HTR1F: variants seen among roughly 807,000 people sequenced by gnomAD.
HTR1F encodes 5-hydroxytryptamine receptor 1F, also known as 5-hydroxytryptamine (serotonin) receptor 1F, G protein-coupled.
In HTR1F, 17 loss-of-function variants were observed where a neutral mutation model predicts 24.0. That is an observed-to-expected ratio of 0.71 (90% confidence interval 0.48 to 1.06). The LOEUF (loss-of-function observed/expected upper bound fraction) is 1.06, where lower values mean the gene tolerates loss of function less well. Among genes scored for constraint, HTR1F ranks in the 50% least tolerant of loss-of-function variants. The pLI, the probability that HTR1F is intolerant of heterozygous loss-of-function variation, is 0.00. For synonymous variants in HTR1F, 186 were observed against 156.8 expected, an observed-to-expected ratio of 1.19 and a Z score of -1.39; for missense variants, 391 against 427.8, an observed-to-expected ratio of 0.91 and a Z score of 0.76.
intron 2 of HTR1F, among the ~76,000 whole-genome samples, chr3:87,872,827 A>G (rs1387992001): frequency 6.6e-6 from 1 of 152,080 alleles, no homozygotes; most frequent in Non-Finnish European, 1.5e-5. Context: ...AAAGCCCAAC[A>G]CTAGATGGCT....
At chr3:87,871,075 A>G (rs1194254963) in intron 2 of HTR1F, among the ~76,000 whole-genome samples, 1 of 152,028 alleles carries the variant, frequency 6.6e-6, no homozygotes, top group African/African-American at 2.4e-5. Flanking sequence ...AGCACTAAAA[A>G]TGGAGATCAA....
chr3:87,945,486 G>C (rs1260441866), intron 2 of HTR1F, among the ~76,000 whole-genome samples: 1 of 152,146 alleles, frequency 6.6e-6, no homozygotes, highest in Non-Finnish European at 1.5e-5. Context: ...AGGAAAGGTA[G>C]GGGCGCACAC....
At chr3:87,923,817 C>T (rs1012054114) in intron 2 of HTR1F, among the ~76,000 whole-genome samples, 4 of 151,982 alleles carry the variant, frequency 2.6e-5, no homozygotes, top group African/African-American at 9.7e-5. Context: ...ATGTGTTGAA[C>T]CAATCTTGCA....
At chr3:87,911,152 A>C (rs1292085673) in intron 2 of HTR1F, among the ~76,000 whole-genome samples, 1 of 152,072 alleles carries the variant, frequency 6.6e-6, no homozygotes, top group Non-Finnish European at 1.5e-5. Context: ...AGACACAAAA[A>C]AACACTCGAA....
At chr3:87,835,211 A>G (rs1704658548) in intron 2 of HTR1F, among the ~76,000 whole-genome samples, 1 of 152,178 alleles carries the variant, frequency 6.6e-6, no homozygotes, top group Non-Finnish European at 1.5e-5. Context: ...GGCTGGCTAC[A>G]TAACTTGTGG....
chr3:87,945,773 A>C (rs1704684120), intron 2 of HTR1F, among the ~76,000 whole-genome samples: 1 of 152,144 alleles, frequency 6.6e-6, no homozygotes, highest in African/African-American at 2.4e-5. Context: ...TCCAATTCTA[A>C]GGAAGGATAG....
At chr3:87,987,671 TTA>T (rs1336344474) in intron 2 of HTR1F, among the ~76,000 whole-genome samples, 9 of 142,324 alleles carry the variant, frequency 6.3e-5, no homozygotes, top group Non-Finnish European at 1.4e-4. Context: ...AATATATGTA[TTA>T]TATATATATT....
chr3:87,929,181 A>G (rs1223280775), intron 2 of HTR1F, among the ~76,000 whole-genome samples: 1 of 152,202 alleles, frequency 6.6e-6, no homozygotes, highest in Non-Finnish European at 1.5e-5. Flanking sequence ...TGGTAGCTGC[A>G]GTGAGTGTAA....
intron 2 of HTR1F, among the ~76,000 whole-genome samples, chr3:87,977,982 A>G (rs1219306298): frequency 1.3e-5 from 2 of 152,136 alleles, no homozygotes; most frequent in African/African-American, 4.8e-5. Context: ...GCCAAGGGTG[A>G]GCTAGATGCA....
intron 2 of HTR1F, among the ~76,000 whole-genome samples, chr3:87,880,471 G>T (rs1705767315): frequency 6.6e-6 from 1 of 152,092 alleles, no homozygotes; most frequent in South Asian, 2.1e-4. Context: ...TACATAGTGA[G>T]TATTAGAAAC....
At chr3:87,819,767 A>T (rs1284137291) in intron 1 of HTR1F, among the ~76,000 whole-genome samples, 1 of 152,066 alleles carries the variant, frequency 6.6e-6, no homozygotes, top group African/African-American at 2.4e-5. Context: ...ATATTAGCTA[A>T]TAGGGGCAAA....
chr3:87,913,765 T>C (rs1056929717), intron 2 of HTR1F, among the ~76,000 whole-genome samples: 2 of 152,080 alleles, frequency 1.3e-5, no homozygotes, highest in African/African-American at 4.8e-5. Context: ...TACAAAAGAA[T>C]GAGATCATGT....
At chr3:87,915,392 TA>T (rs1298282987) in intron 2 of HTR1F, among the ~76,000 whole-genome samples, 1 of 152,100 alleles carries the variant, frequency 6.6e-6, no homozygotes, top group Non-Finnish European at 1.5e-5. Context: ...GGAGGTTAGT[TA>T]TTAAGCTAAT....
chr3:87,850,324 C>T (rs1475902911), intron 2 of HTR1F, among the ~76,000 whole-genome samples: 7 of 151,656 alleles, frequency 4.6e-5, no homozygotes, highest in Admixed American at 6.6e-5. Flanking sequence ...TGGATGAAGC[C>T]GGAAACCATC....
At chr3:87,823,827 G>A (rs150342122) in intron 2 of HTR1F, among the ~76,000 whole-genome samples, 58 of 152,176 alleles carry the variant, frequency 3.8e-4, no homozygotes, top group Non-Finnish European at 6.2e-4. Flanking sequence ...TTGGGAGGCC[G>A]ATGCGGGCGG....
At chr3:87,859,332 G>T (rs961313667) in intron 2 of HTR1F, among the ~76,000 whole-genome samples, 1 of 152,166 alleles carries the variant, frequency 6.6e-6, no homozygotes, top group East Asian at 1.9e-4. Flanking sequence ...CTACTAAATT[G>T]TCCTGACTCA....
intron 2 of HTR1F, among the ~76,000 whole-genome samples, chr3:87,906,974 C>T (rs1313110610): frequency 2.0e-5 from 3 of 152,022 alleles, no homozygotes; most frequent in African/African-American, 4.8e-5. Flanking sequence ...TTTGCAATTG[C>T]CACTTGTGCC....
chr3:87,821,409 C>G (rs574579520), intron 1 of HTR1F, among the ~76,000 whole-genome samples: 7 of 152,248 alleles, frequency 4.6e-5, no homozygotes, highest in Non-Finnish European at 7.4e-5. Context: ...TCTTATACAT[C>G]CAGTCTTCAC....
At chr3:87,937,090 A>AAAAG (rs1480107090) in intron 2 of HTR1F, among the ~76,000 whole-genome samples, 1 of 151,246 alleles carries the variant, frequency 6.6e-6, no homozygotes, top group African/African-American at 2.4e-5. Context: ...ACCCAAAAAA[A>AAAAG]AAAAAAAAAA....
Sources: allele counts gnomAD v4.1 joint callset (sites outside exome capture counted in the v4.1 genomes callset), GRCh38; gene constraint gnomAD v4.1.1; transcripts MANE v1.5; gene names NCBI Gene and HGNC (gene_info 2026-07-23, HGNC 2026-07-21).